Variants in SH3GL3 observed in about 807,000 individuals in gnomAD.
SH3GL3 encodes SH3 domain containing GRB2 like 3, endophilin A3.
In SH3GL3, 33 loss-of-function variants were observed where a neutral mutation model predicts 47.7. The observed-to-expected ratio is 0.69, with a 90% CI of 0.52 to 0.92. SH3GL3 has a LOEUF of 0.92. Among genes scored for constraint, SH3GL3 ranks in the 40% least tolerant of loss-of-function variants. The pLI is 0.00. For missense variants in SH3GL3, 363 were observed against 417.8 expected (o/e 0.87, Z 1.14); for synonymous variants, 155 against 148.8 (o/e 1.04, Z -0.30).
intron 1 of SH3GL3, among the ~76,000 whole-genome samples, chr15:83,490,276 T>TC (rs1451484638): frequency 1.4e-4 from 21 of 150,636 alleles, no homozygotes; most frequent in East Asian, 1.2e-3. Flanking sequence ...TTTTTTTTTT[T>TC]TTTTTTTCCG....
At chr15:83,632,941 A>C in the SH3GL3 span, among the ~76,000 whole-genome samples, 3 of 152,206 alleles carry the variant, frequency 2.0e-5, no homozygotes, top group African/African-American at 7.2e-5. Flanking sequence ...TAAGCACATG[A>C]AAAAGTGTGC....
chr15:83,620,300 T>C (rs1004656954), downstream of SH3GL3, among the ~76,000 whole-genome samples: 1 of 152,232 alleles, frequency 6.6e-6, no homozygotes, highest in Non-Finnish European at 1.5e-5. Context: ...CTTAAAGGCA[T>C]CTAGAATACT....
At chr15:83,617,740 A>G (rs2562784) in intron 8 of SH3GL3, among the ~76,000 whole-genome samples, 44,092 of 152,104 alleles carry the variant, frequency 0.29, 6,713 homozygotes, top group African/African-American at 0.36. Flanking sequence ...AAGAAACTGT[A>G]AGCTCCCAGA....
chr15:83,579,456 A>C (rs113550094), intron 6 of SH3GL3, among the ~76,000 whole-genome samples: 2,026 of 152,240 alleles, frequency 0.013, 25 homozygotes, highest in Admixed American at 0.019. Context: ...AACGTTATGA[A>C]ACGGAGATGG....
chr15:83,485,529 G>T (rs1000292956), intron 1 of SH3GL3, among the ~76,000 whole-genome samples: 4 of 152,086 alleles, frequency 2.6e-5, no homozygotes, highest in African/African-American at 9.7e-5. Flanking sequence ...TGTTGCCCAG[G>T]CTAGAGTACA....
intron 8 of SH3GL3, among the ~76,000 whole-genome samples, chr15:83,598,635 G>A (rs892472996): frequency 6.6e-6 from 1 of 152,058 alleles, no homozygotes; most frequent in Non-Finnish European, 1.5e-5. Context: ...ATGGCTTTAG[G>A]TGCTGAATGG....
At chr15:83,460,060 C>CCTTCCTT (rs2040209949) in intron 1 of SH3GL3, among the ~76,000 whole-genome samples, 1 of 51,796 alleles carries the variant, frequency 1.9e-5, no homozygotes, top group African/African-American at 7.8e-5. Context: ...CTCCCTGCCT[C>CCTTCCTT]CCTCCCTCCC....
chr15:83,472,120 G>A (rs530131417), intron 1 of SH3GL3, among the ~76,000 whole-genome samples: 1 of 152,332 alleles, frequency 6.6e-6, no homozygotes, highest in South Asian at 2.1e-4. Context: ...CTGACCTCAG[G>A]TGATCCGCCT....
At chr15:83,516,092 G>C (rs2042968673) in intron 1 of SH3GL3, among the ~76,000 whole-genome samples, 1 of 142,074 alleles carries the variant, frequency 7.0e-6, no homozygotes, top group Non-Finnish European at 1.5e-5. Flanking sequence ...TGTAGTAATA[G>C]GCTATGAGAG....
chr15:83,524,272 T>C (rs1342067747), intron 1 of SH3GL3, among the ~76,000 whole-genome samples: 2 of 152,210 alleles, frequency 1.3e-5, no homozygotes, highest in African/African-American at 4.8e-5. Flanking sequence ...TAACCCAAAT[T>C]CTGTATTCTT....
chr15:83,468,800 G>GTGT (rs71451702), intron 1 of SH3GL3, among the ~76,000 whole-genome samples: 2 of 128,996 alleles, frequency 1.6e-5, no homozygotes, highest in African/African-American at 5.8e-5. Flanking sequence ...CTTTAGTAGT[G>GTGT]TTTTTTTTTT....
intron 3 of SH3GL3, among the ~76,000 whole-genome samples, chr15:83,566,373 T>A (rs868227721): frequency 0.13 from 18,537 of 141,388 alleles, 1,253 homozygotes; most frequent in Middle Eastern, 0.19. Flanking sequence ...AGAGTGTGTG[T>A]GTGTGTGTGT....
rs367669414 is a variant in SH3GL3, at chr15:83,610,982, T to A, written c.839-7100T>A. ...AGCAGCAGGGACTTCAGCCAAAAAA[T>A]ATATATATATATATATAATATGTAT... On this transcript the variant is annotated intron_variant, in intron 8 of 8. Transcript: ENST00000427482. Among the ~76,000 whole-genome samples, 531 of 125,062 alleles carry A rather than the reference T, an allele frequency of 4.2e-3. 4 individuals carry two copies. Among genetic ancestry groups the A allele is most frequent in the Middle Eastern group, 0.03 (7 of 232 alleles). The allele number at this position is 125,062 out of a possible 152,430, so 82.0% of individuals were successfully genotyped here.
In SH3GL3 at chr15:83,559,208, C is replaced by T. The variant is rs773700841; in HGVS notation, c.46-45C>T. On this transcript the variant is annotated intron_variant, in intron 1 of 8. Transcript: ENST00000427482. ...TAATAATTTAGGTAAAAAACTGTGACAAGAAATCATTGTACAATGCAATTA... is the reference window on the plus strand; with the variant it reads ...TAATAATTTAGGTAAAAAACTGTGATAAGAAATCATTGTACAATGCAATTA... 3 of 1,099,376 alleles carry T rather than the reference C, an allele frequency of 2.7e-6. No homozygotes were observed. In the East Asian group the frequency reaches 7.1e-5, roughly 26 times the overall value. 68.1% of individuals were successfully genotyped at this position (1,099,376 alleles called of 1,614,324 possible).
intron 6 of SH3GL3, among the ~76,000 whole-genome samples, chr15:83,582,191 T>G (rs2059846316): frequency 6.6e-6 from 1 of 152,202 alleles, no homozygotes; most frequent in Admixed American, 6.5e-5. Context: ...TCCTCACAAC[T>G]TACTAGTAGC....
chr15:83,632,781 T>C, the SH3GL3 span, among the ~76,000 whole-genome samples: 1 of 152,144 alleles, frequency 6.6e-6, no homozygotes, highest in East Asian at 1.9e-4. Context: ...GAACTACAAT[T>C]CAAGATGAGA....
intron 6 of SH3GL3, among the ~76,000 whole-genome samples, chr15:83,577,249 G>C (rs1156346113): frequency 6.6e-6 from 1 of 151,928 alleles, no homozygotes; most frequent in Non-Finnish European, 1.5e-5. Context: ...GTTTGTGTTG[G>C]GCCACATTCA....
chr15:83,552,938 T>C (rs2044741586), intron 1 of SH3GL3, among the ~76,000 whole-genome samples: 1 of 152,202 alleles, frequency 6.6e-6, no homozygotes, highest in South Asian at 2.1e-4. Flanking sequence ...ATTATTACAT[T>C]GAGTCTCTAT....
Position 83,448,686 on chromosome 15 carries a change from C to G in SH3GL3, c.45+1108C>G, listed in dbSNP as rs2039578821. The stretch of plus-strand genomic sequence containing the variant: ...TCCACATTTGTGGTGAGGTCTCATC[C>G]TGCTTCTCCCACAAATTGGCCCATA... On this transcript the variant is annotated intron_variant, in intron 1 of 8. Transcript: ENST00000427482. The surrounding 1 kb of genome is among the most constrained non-coding windows in gnomAD (Gnocchi z 4.2). Among the ~76,000 whole-genome samples the G allele has an allele frequency of 6.6e-6, 1 of 152,070 alleles. No individual in the cohort carries two copies. The highest frequency in any genetic ancestry group is 2.4e-5 in the African/African-American group (1 of 41,382).
Sources: gnomAD v4.1 joint callset for allele counts (sites outside exome capture counted in the v4.1 genomes callset) on GRCh38, gnomAD v4.1.1 for gene constraint, Gnocchi (gnomAD v3.1) non-coding constraint, MANE v1.5 for transcripts, NCBI Gene and HGNC (gene_info 2026-07-23, HGNC 2026-07-21) for gene names.